Variants in OSBPL1A observed in about 807,000 individuals in gnomAD.
OSBPL1A encodes oxysterol binding protein like 1A.
In OSBPL1A, 80 loss-of-function variants were observed where a neutral mutation model predicts 137.1. That is an observed-to-expected ratio of 0.58 (90% CI 0.49 to 0.70). The LOEUF (loss-of-function observed/expected upper bound fraction) is 0.70, where lower values mean the gene tolerates loss of function less well. OSBPL1A is among the 30% of genes least tolerant of loss of function. The pLI is 0.00. For synonymous variants in OSBPL1A, 365 were observed against 389.7 expected, an observed-to-expected ratio of 0.94 and a Z score of 0.75; for missense variants, 970 against 1,129.4, an observed-to-expected ratio of 0.86 and a Z score of 2.02.
intron 9 of OSBPL1A, 81 bp from the exon 10 acceptor site, chr18:24,317,481 G>T: frequency 9.0e-7 from 1 of 1,108,496 alleles, no homozygotes; most frequent in Admixed American, 1.7e-5. Flanking sequence ...ATTAAGTGAG[G>T]ACAGTCATAT....
rs1034002992 is a variant in OSBPL1A, at chr18:24,345,300, A to G, written c.283-3642T>C. Among the ~76,000 whole-genome samples the G allele has an allele frequency of 2.0e-5, 3 of 152,188 alleles. 1 individual carries two copies. Among genetic ancestry groups the G allele is most frequent in the Admixed American group, 2.0e-4 (3 of 15,268 alleles). On this transcript the variant is annotated intron_variant, in intron 4 of 27. Coordinates refer to ENST00000319481, the MANE Select transcript of OSBPL1A (RefSeq NM_080597.4). ...AAAAATAAGAAAACAGAAACTCTTA[A>G]AGTATATAAACCACTGCCGACCTTT...
intron 17 of OSBPL1A, among the ~76,000 whole-genome samples, chr18:24,212,144 T>A (rs779863723): frequency 6.6e-6 from 1 of 151,994 alleles, no homozygotes; most frequent in Non-Finnish European, 1.5e-5. Context: ...CTTGGCTCAC[T>A]GCAACCTCTG....
intron 17 of OSBPL1A, among the ~76,000 whole-genome samples, chr18:24,199,402 C>T (rs182892397): frequency 2.4e-4 from 37 of 152,066 alleles, no homozygotes; most frequent in African/African-American, 8.4e-4. Flanking sequence ...CCCCCAGCTG[C>T]TATGCACTTC....
intron 15 of OSBPL1A, among the ~76,000 whole-genome samples, chr18:24,242,317 A>AAAC (rs1186823894): frequency 2.0e-4 from 20 of 101,082 alleles, no homozygotes; most frequent in East Asian, 3.0e-4. Context: ...AACAAACAAA[A>AAAC]AAGATTCAGT....
At chr18:24,381,867 A>T (rs1169177201) in intron 1 of OSBPL1A, among the ~76,000 whole-genome samples, 1 of 151,952 alleles carries the variant, frequency 6.6e-6, no homozygotes, top group South Asian at 2.1e-4. Context: ...AGGCTGAGGC[A>T]GGAGAATCGC....
intron 6 of OSBPL1A, among the ~76,000 whole-genome samples, chr18:24,333,499 T>C (rs558986530): frequency 9.8e-5 from 15 of 152,390 alleles, no homozygotes; most frequent in African/African-American, 3.1e-4. Context: ...GTCAAGGTTC[T>C]ACTGAATTTG....
At chr18:24,205,072 T>TA (rs1296916948) in intron 17 of OSBPL1A, among the ~76,000 whole-genome samples, 2 of 152,246 alleles carry the variant, frequency 1.3e-5, no homozygotes, top group Non-Finnish European at 2.9e-5. Context: ...TAGACTGTGT[T>TA]AATCACTTAA....
At chr18:24,204,117 C>A (rs576428694) in intron 17 of OSBPL1A, among the ~76,000 whole-genome samples, 2 of 152,252 alleles carry the variant, frequency 1.3e-5, no homozygotes, top group Non-Finnish European at 2.9e-5. Flanking sequence ...TGCGGCCAGA[C>A]TGCTTTTGGA....
intron 14 of OSBPL1A, among the ~76,000 whole-genome samples, chr18:24,290,554 G>A (rs568472001): frequency 2.1e-4 from 32 of 152,238 alleles, no homozygotes; most frequent in Middle Eastern, 3.4e-3. Flanking sequence ...GTGGCAGTGT[G>A]TGCTTGTAGT....
At chr18:24,175,849 T>C (rs540252872) in intron 21 of OSBPL1A, among the ~76,000 whole-genome samples, 6 of 152,232 alleles carry the variant, frequency 3.9e-5, no homozygotes, top group Non-Finnish European at 7.3e-5. Context: ...TTTTAACATA[T>C]AGATGTCCAA....
At chr18:24,338,189 C>T (rs2146150066) in intron 5 of OSBPL1A, among the ~76,000 whole-genome samples, 1 of 151,718 alleles carries the variant, frequency 6.6e-6, no homozygotes, top group African/African-American at 2.4e-5. Flanking sequence ...TCTCCTGCCT[C>T]AGCTTCCTCA....
chr18:24,170,443 G>C lies in OSBPL1A; in HGVS notation c.2302C>G (p.Leu768Val), dbSNP rs763798781. The change falls in exon 24 of 28, where the codon CTC becomes GTC. Residue 768 changes from leucine to valine, a missense_variant. Leu to Val is a conservative substitution (Grantham distance 32, BLOSUM62 1). This residue lies in a region of OSBPL1A where 323 missense variants were observed against 456.8 expected (regional missense o/e 0.71). Transcript: ENST00000319481. ...GTCCACTTCCCATAGAGGGCACAGA[G>C]CTTCTTTTTGCTGTCAAGAAAAACT... is the stretch of plus-strand genomic sequence containing the variant. ...GYIQDKSKKK[L>V]CALYGKWTEC... The C allele has an allele frequency of 2.5e-5, 40 of 1,613,852 alleles. No homozygotes were observed. Among genetic ancestry groups the C allele is most frequent in the Non-Finnish European group, 3.3e-5 (39 of 1,180,014 alleles).
intron 2 of OSBPL1A, among the ~76,000 whole-genome samples, chr18:24,373,082 T>G (rs973333610): frequency 6.6e-6 from 1 of 152,008 alleles, no homozygotes; most frequent in Non-Finnish European, 1.5e-5. Flanking sequence ...AGAAAAAAAT[T>G]TCCAAGATCC....
At chr18:24,277,129 T>C (rs182558818) in intron 15 of OSBPL1A, among the ~76,000 whole-genome samples, 1 of 152,280 alleles carries the variant, frequency 6.6e-6, no homozygotes, top group East Asian at 1.9e-4. Flanking sequence ...CCAGAAAGCA[T>C]TGGCAGGACC....
chr18:24,221,778 C>T (rs942908414), intron 17 of OSBPL1A, among the ~76,000 whole-genome samples: 6 of 152,138 alleles, frequency 3.9e-5, no homozygotes, highest in Non-Finnish European at 7.4e-5. Flanking sequence ...TAAGTTTTAT[C>T]TCTTTCAGAA....
At chr18:24,204,369 C>T (rs562899473) in intron 17 of OSBPL1A, among the ~76,000 whole-genome samples, 18 of 152,212 alleles carry the variant, frequency 1.2e-4, no homozygotes, top group African/African-American at 4.1e-4. Flanking sequence ...ATCTATACCG[C>T]TGGATTTTTT....
At chr18:24,337,834 A>G (rs1026261152) in intron 5 of OSBPL1A, among the ~76,000 whole-genome samples, 5 of 151,644 alleles carry the variant, frequency 3.3e-5, no homozygotes, top group South Asian at 2.1e-4. Flanking sequence ...TGATTATGTA[A>G]GAAAATAATC....
chr18:24,193,487 CAAA>C (rs61065111), intron 18 of OSBPL1A, among the ~76,000 whole-genome samples: 4 of 78,834 alleles, frequency 5.1e-5, no homozygotes, highest in Admixed American at 1.5e-4. Flanking sequence ...GACTCCGACT[CAAA>C]AAAAAAAAAA....
intron 7 of OSBPL1A, among the ~76,000 whole-genome samples, chr18:24,324,960 C>T (rs547989569): frequency 7.9e-5 from 12 of 151,782 alleles, no homozygotes; most frequent in African/African-American, 2.9e-4. Context: ...GTAGCGCGCA[C>T]CTGTAATCCC....
Sources: allele counts gnomAD v4.1 joint callset (sites outside exome capture counted in the v4.1 genomes callset), GRCh38; gene constraint gnomAD v4.1.1; regional missense constraint gnomAD v4.1.1; transcripts MANE v1.5; gene names NCBI Gene and HGNC (gene_info 2026-07-23, HGNC 2026-07-21).